The following HIBCH variants were observed in gnomAD, a reference collection of about 807,000 sequenced individuals.
The protein encoded by HIBCH is 3-hydroxyisobutyryl-CoA hydrolase, also known as 3-hydroxyisobutyryl-CoA hydrolase, mitochondrial.
A neutral mutation model predicts 58.2 loss-of-function variants in HIBCH; 50 were observed. The ratio of observed to expected loss-of-function variants is 0.86; its 90% CI spans 0.68 to 1.09. The LOEUF is 1.09. Ranked by LOEUF, HIBCH falls within the 50% of genes least tolerant of loss-of-function variation. The pLI, the probability that HIBCH is intolerant of heterozygous loss-of-function variation, is 0.00. For synonymous variants in HIBCH, 151 were observed against 146.9 expected, an observed-to-expected ratio of 1.03 and a Z score of -0.20; for missense variants, 450 against 449.7, an observed-to-expected ratio of 1.00 and a Z score of -0.01.
At chr2:190,294,050 A>ATATATATG in intron 4 of HIBCH, among the ~76,000 whole-genome samples, 1 of 146,508 alleles carries the variant, frequency 6.8e-6, no homozygotes, top group East Asian at 2.0e-4. Flanking sequence ...ATATATATAT[A>ATATATATG]TATAGCAACA....
chr2:190,265,902 T>C (rs1687220611), intron 6 of HIBCH, among the ~76,000 whole-genome samples: 1 of 152,208 alleles, frequency 6.6e-6, no homozygotes, highest in African/African-American at 2.4e-5. Context: ...TCTTTGTCTT[T>C]ACCAACTTAT....
intron 11 of HIBCH, among the ~76,000 whole-genome samples, chr2:190,221,683 TG>T (rs1685724118): frequency 6.6e-6 from 1 of 152,102 alleles, no homozygotes; most frequent in South Asian, 2.1e-4. Flanking sequence ...ACCCTTGGCC[TG>T]CCCCACCCCC....
chr2:190,232,465 C>G (rs2105921242), intron 11 of HIBCH, among the ~76,000 whole-genome samples: 1 of 152,298 alleles, frequency 6.6e-6, no homozygotes, highest in African/African-American at 2.4e-5. Flanking sequence ...ATGCACTTCA[C>G]AAGATCTCAA....
chr2:190,192,482 G>C (rs1361284349), intron 1 of HIBCH, among the ~76,000 whole-genome samples: 1 of 146,528 alleles, frequency 6.8e-6, no homozygotes, highest in South Asian at 2.1e-4. Context: ...GTGTGTGTGT[G>C]TGTGTGTGTA....
intron 6 of HIBCH, among the ~76,000 whole-genome samples, chr2:190,285,833 G>A (rs150684373): frequency 6.6e-6 from 1 of 151,966 alleles, no homozygotes; most frequent in Non-Finnish European, 1.5e-5. Flanking sequence ...TACCTCTTCT[G>A]AAAGTATGTC....
intron 11 of HIBCH, among the ~76,000 whole-genome samples, chr2:190,220,708 G>A (rs905163274): frequency 6.6e-6 from 1 of 151,668 alleles, no homozygotes; most frequent in Non-Finnish European, 1.5e-5. Flanking sequence ...AGAAGACACT[G>A]AGTCCATTTT....
intron 11 of HIBCH, among the ~76,000 whole-genome samples, chr2:190,219,430 G>A (rs1422732520): frequency 1.3e-5 from 2 of 152,164 alleles, no homozygotes; most frequent in African/African-American, 4.8e-5. Context: ...GATGCCGCTT[G>A]TTGGCCTCCA....
intron 6 of HIBCH, among the ~76,000 whole-genome samples, chr2:190,271,349 C>T (rs1410788741): frequency 1.4e-5 from 2 of 139,834 alleles, no homozygotes; most frequent in African/African-American, 2.7e-5. Context: ...AGTGCAGTGG[C>T]GTGATCTCAG....
intron 11 of HIBCH, among the ~76,000 whole-genome samples, chr2:190,221,249 G>A (rs570028597): frequency 2.4e-4 from 37 of 152,216 alleles, no homozygotes; most frequent in African/African-American, 7.5e-4. Context: ...GGACTCTACC[G>A]TCAGAGAGTG....
rs561895991 is a variant in HIBCH at position 190,232,551 on chromosome 2, C to T, written c.891+12336G>A. 2.6e-5 allele frequency among the ~76,000 whole-genome samples: 4 copies of T among 152,342 alleles called. No homozygotes were observed. The South Asian group carries it at 8.3e-4, about 32-fold the overall frequency. ...ACACCTGGTTTCCTCCAGATTCCAC[C>T]ATCTGTGCTTTTCCCTTTGCTGATT... is the stretch of plus-strand genomic sequence containing the variant. On this transcript the variant is annotated intron_variant, in intron 11 of 13. Transcript: ENST00000359678.
At chr2:190,251,330 G>A (rs1195485714) in intron 8 of HIBCH, among the ~76,000 whole-genome samples, 1 of 152,134 alleles carries the variant, frequency 6.6e-6, no homozygotes, top group Non-Finnish European at 1.5e-5. Context: ...CCCACAGATT[G>A]AAGGACAGAG....
intron 6 of HIBCH, among the ~76,000 whole-genome samples, chr2:190,283,200 T>C (rs975287175): frequency 6.6e-6 from 1 of 152,226 alleles, no homozygotes. Context: ...GTTCAATTCT[T>C]TGCCTTCTAC....
At chr2:190,233,859 G>T (rs1169701377) in intron 11 of HIBCH, among the ~76,000 whole-genome samples, 1 of 152,148 alleles carries the variant, frequency 6.6e-6, no homozygotes, top group African/African-American at 2.4e-5. Context: ...AAATGAAAAA[G>T]ACAATATCAA....
chr2:190,227,303 A>C (rs918614003), intron 11 of HIBCH, among the ~76,000 whole-genome samples: 1 of 152,236 alleles, frequency 6.6e-6, no homozygotes, highest in African/African-American at 2.4e-5. Flanking sequence ...AAACGTGACA[A>C]AAAGAAGAAA....
In HIBCH at chr2:190,306,335, C is replaced by A. The variant is rs754913224; in HGVS notation, c.78+4419G>T. On this transcript the variant is annotated intron_variant, in intron 2 of 13. Transcript: ENST00000359678. The surrounding 1 kb of genome is among the most constrained non-coding windows in gnomAD (Gnocchi z 4.6). ...ACCCAAGGGCCTGACCACTCCTTGC[C>A]TGGGTCATTTTCAAGGTAGCCACCA... is the stretch of plus-strand genomic sequence containing the variant. Among the ~76,000 whole-genome samples the A allele has an allele frequency of 2.6e-5, 4 of 152,102 alleles. No individual in the cohort carries two copies. The highest frequency in any genetic ancestry group is 5.9e-5 in the Non-Finnish European group (4 of 68,042).
rs555657826 is a variant in HIBCH, at chr2:190,223,750, A to G, written c.892-10675T>C. ...AAGAAGGGAAGATAAAGAAAGCTAA[A>G]GGAGCTCATGTAATATACCTTCAAT... On this transcript the variant is annotated intron_variant, in intron 11 of 13. Transcript: ENST00000359678. Among the ~76,000 whole-genome samples the G allele has an allele frequency of 2.0e-4, 30 of 152,384 alleles. No individual in the cohort carries two copies. The South Asian group carries it at 3.1e-3, about 16-fold the overall frequency.
chr2:190,239,374 T>C (rs1448643699), intron 11 of HIBCH, among the ~76,000 whole-genome samples: 2 of 152,198 alleles, frequency 1.3e-5, no homozygotes, highest in South Asian at 4.1e-4. Flanking sequence ...TCTAGCCTTG[T>C]AGTATAATTT....
rs112199819 is a variant in HIBCH, at chr2:190,286,550, A to G, written c.438+1036T>C. Among the ~76,000 whole-genome samples the G allele has an allele frequency of 5.7e-3, 864 of 152,290 alleles. 5 individuals carry two copies. The highest frequency in any genetic ancestry group is 0.02 in the African/African-American group (820 of 41,568). On this transcript the variant is annotated intron_variant, in intron 6 of 13. Transcript: ENST00000359678. ...CTTTCTAGGCTCAGTTCAATTCACC[A>G]TCTTCTCCATGCAGCCCTTTCCTGC...
At chr2:190,203,795 C>G (rs1690318969), downstream of HIBCH, 1 of 152,074 alleles carries the variant, frequency 6.6e-6, no homozygotes, top group Non-Finnish European at 1.5e-5. Context: ...GCTGCCATTT[C>G]CTCATCTATG....
Sources: gnomAD v4.1 joint callset for allele counts (sites outside exome capture counted in the v4.1 genomes callset) on GRCh38, gnomAD v4.1.1 for gene constraint, Gnocchi (gnomAD v3.1) non-coding constraint, MANE v1.5 for transcripts, NCBI Gene and HGNC (gene_info 2026-07-23, HGNC 2026-07-21) for gene names.